PARD3B: variants seen among roughly 807,000 people sequenced by gnomAD.
The protein encoded by PARD3B is partitioning defective 3 homolog B.
PARD3B carries 103 observed loss-of-function variants against 130.2 expected under a neutral mutation model. The observed-to-expected ratio is 0.79, with a 90% CI of 0.67 to 0.93. The LOEUF (loss-of-function observed/expected upper bound fraction) is 0.93. PARD3B is among the 40% of genes least tolerant of loss of function. The probability of loss-of-function intolerance (pLI) is 0.00; values close to 1 mark genes in which losing one functional copy is unlikely to be tolerated. For synonymous variants in PARD3B, 583 were observed against 553.2 expected (o/e 1.05, Z -0.76); for missense variants, 1,609 against 1,499.2 (o/e 1.07, Z -1.21).
chr2:205,490,035 G>T (rs1476453290), intron 20 of PARD3B, among the ~76,000 whole-genome samples: 1 of 152,136 alleles, frequency 6.6e-6, no homozygotes, highest in Non-Finnish European at 1.5e-5. Flanking sequence ...ACTTTCAGTG[G>T]TAAATGGTAG....
chr2:205,004,189 G>C (rs13424517), intron 3 of PARD3B, among the ~76,000 whole-genome samples: 10 of 152,266 alleles, frequency 6.6e-5, no homozygotes, highest in African/African-American at 2.4e-4. Context: ...CAGGTCTTTA[G>C]CCCTGAAGGC....
intron 19 of PARD3B, among the ~76,000 whole-genome samples, chr2:205,401,412 CAAAG>C (rs2046247345): frequency 6.6e-6 from 1 of 151,496 alleles, no homozygotes; most frequent in South Asian, 2.1e-4. Context: ...TTTTTTTTTC[CAAAG>C]AAAGGTCATT....
intron 20 of PARD3B, among the ~76,000 whole-genome samples, chr2:205,454,642 A>G (rs937546941): frequency 3.9e-5 from 6 of 152,124 alleles, no homozygotes; most frequent in Non-Finnish European, 5.9e-5. Flanking sequence ...ACTTCTGTAT[A>G]CCACACTAAG....
intron 22 of PARD3B, among the ~76,000 whole-genome samples, chr2:205,609,447 A>G (rs933604500): frequency 2.4e-4 from 36 of 152,142 alleles, no homozygotes; most frequent in African/African-American, 8.4e-4. Context: ...CACCTCTCTT[A>G]GACAGCTCAC....
At chr2:204,781,092 C>T (rs975894) in intron 2 of PARD3B, among the ~76,000 whole-genome samples, 138,055 of 152,128 alleles carry the variant, frequency 0.91, 62,842 homozygotes, top group Middle Eastern at 0.97. Flanking sequence ...GGGTGGATTT[C>T]AGTGGTATGT....
At chr2:205,222,730 T>A (rs890354573) in intron 15 of PARD3B, among the ~76,000 whole-genome samples, 7 of 152,160 alleles carry the variant, frequency 4.6e-5, no homozygotes, top group African/African-American at 1.7e-4. Flanking sequence ...TTGTCAAAGG[T>A]CTGAGAATCA....
intron 1 of PARD3B, among the ~76,000 whole-genome samples, chr2:204,635,419 A>G (rs1317219265): frequency 1.3e-5 from 2 of 152,174 alleles, no homozygotes; most frequent in African/African-American, 2.4e-5. Context: ...TTGAATTGAT[A>G]TTTCCAGACA....
intron 15 of PARD3B, among the ~76,000 whole-genome samples, chr2:205,198,261 G>C (rs866462662): frequency 2.0e-5 from 3 of 152,326 alleles, no homozygotes; most frequent in African/African-American, 7.2e-5. Context: ...CAGTGCAAAT[G>C]GAAGATGCTG....
intron 15 of PARD3B, among the ~76,000 whole-genome samples, chr2:205,242,579 A>G (rs2039397344): frequency 1.3e-5 from 2 of 152,182 alleles, no homozygotes; most frequent in Admixed American, 1.3e-4. Context: ...GGAATGATCC[A>G]TACAATAACA....
intron 1 of PARD3B, among the ~76,000 whole-genome samples, chr2:204,656,560 C>T (rs1373856882): frequency 6.6e-6 from 1 of 152,080 alleles, no homozygotes; most frequent in Non-Finnish European, 1.5e-5. Context: ...ATGTTGAGAG[C>T]CACCCAGTCC....
At chr2:204,808,130 G>T (rs1007015640) in intron 2 of PARD3B, among the ~76,000 whole-genome samples, 3 of 151,712 alleles carry the variant, frequency 2.0e-5, no homozygotes, top group Admixed American at 6.6e-5. Flanking sequence ...TAAAGATAGA[G>T]ATTATATTCG....
chr2:205,340,438 A>G (rs903978090), intron 18 of PARD3B, among the ~76,000 whole-genome samples: 1 of 152,152 alleles, frequency 6.6e-6, no homozygotes, highest in African/African-American at 2.4e-5. Flanking sequence ...AGAACCCAGA[A>G]ATGAGTTCAT....
rs59424538 is a variant in PARD3B, at chr2:204,676,666, G to GT, written c.121-9495dup. Among the ~76,000 whole-genome samples the GT allele has an allele frequency of 2.1e-3, 190 of 92,312 alleles. 2 individuals carry two copies. Among genetic ancestry groups the GT allele is most frequent in the East Asian group, 8.4e-3 (25 of 2,984 alleles). The allele number at this position is 92,312 out of a possible 152,430, so 60.6% of individuals were successfully genotyped here. On this transcript the variant is annotated intron_variant, in intron 1 of 22. Transcript: ENST00000406610. ...ATACATCCCATTCTACTCTATGATTGTTTTTTTTTTTTTTTTTTTTGGAGA... is the reference window on the plus strand; with the variant it reads ...ATACATCCCATTCTACTCTATGATTGTTTTTTTTTTTTTTTTTTTTTGGAGA...
intron 3 of PARD3B, among the ~76,000 whole-genome samples, chr2:205,010,339 A>G (rs1402119363): frequency 6.6e-6 from 1 of 152,220 alleles, no homozygotes; most frequent in African/African-American, 2.4e-5. Context: ...GCCTCTGTGC[A>G]TGAACTCCTC....
In PARD3B at chr2:205,061,079, G is replaced by C. The variant is rs76353882; in HGVS notation, c.504+13389G>C. Among the ~76,000 whole-genome samples, 1,146 of 152,156 alleles carry C rather than the reference G, an allele frequency of 7.5e-3. 10 individuals are homozygous for C. Among genetic ancestry groups the C allele is most frequent in the African/African-American group, 0.026 (1,089 of 41,506 alleles). Reference sequence around the variant, plus strand: ...CTTTGAGTTCTACTGGGAGTCAGAGGTACCTTACTGGAAGCTGGGCACCAT... The same window carrying C: ...CTTTGAGTTCTACTGGGAGTCAGAGCTACCTTACTGGAAGCTGGGCACCAT... On this transcript the variant is annotated intron_variant, in intron 4 of 22. Transcript: ENST00000406610.
At chr2:204,804,536 G>C (rs1415117587) in intron 2 of PARD3B, among the ~76,000 whole-genome samples, 1 of 152,114 alleles carries the variant, frequency 6.6e-6, no homozygotes, top group Non-Finnish European at 1.5e-5. Flanking sequence ...ACCCCAATAT[G>C]TTAATAGCTG....
chr2:205,210,202 C>CA (rs1430453103), intron 15 of PARD3B, among the ~76,000 whole-genome samples: 12 of 150,688 alleles, frequency 8.0e-5, no homozygotes, highest in Non-Finnish European at 1.5e-5. Context: ...CCCATCTCTA[C>CA]AAAAAAAATT....
intron 16 of PARD3B, among the ~76,000 whole-genome samples, chr2:205,251,187 T>A (rs1393546346): frequency 1.3e-5 from 2 of 152,180 alleles, no homozygotes; most frequent in African/African-American, 4.8e-5. Flanking sequence ...TCTACCAAAC[T>A]ACTGTAGTTC....
chr2:205,303,714 C>T (rs946330817), intron 18 of PARD3B, among the ~76,000 whole-genome samples: 5 of 152,178 alleles, frequency 3.3e-5, no homozygotes, highest in Non-Finnish European at 7.3e-5. Context: ...CCCAAGAATG[C>T]TGTCATGCAT....
Sources: allele counts gnomAD v4.1 joint callset (sites outside exome capture counted in the v4.1 genomes callset), GRCh38; gene constraint gnomAD v4.1.1; transcripts MANE v1.5; gene names NCBI Gene and HGNC (gene_info 2026-07-23, HGNC 2026-07-21).